SLC8A3: variants seen among roughly 807,000 people sequenced by gnomAD.
The protein encoded by SLC8A3 is sodium/calcium exchanger 3.
SLC8A3 carries 37 observed loss-of-function variants against 65.4 expected under a neutral mutation model. That is an observed-to-expected ratio of 0.57 (90% confidence interval 0.44 to 0.74). The LOEUF is 0.74. SLC8A3 is among the 30% of genes least tolerant of loss of function. The pLI is 0.00. For synonymous variants in SLC8A3, 461 were observed against 444.5 expected (o/e 1.04, Z -0.47); for missense variants, 1,112 against 1,172.1 (o/e 0.95, Z 0.75).
chr14:70,097,799 G>A (rs1036751997), intron 2 of SLC8A3, among the ~76,000 whole-genome samples: 1 of 151,964 alleles, frequency 6.6e-6, no homozygotes, highest in Non-Finnish European at 1.5e-5. Flanking sequence ...TAAAGTACAG[G>A]GGCAGGTGAG....
chr14:70,090,706 C>T (rs1347437222), intron 2 of SLC8A3, among the ~76,000 whole-genome samples: 5 of 152,008 alleles, frequency 3.3e-5, no homozygotes, highest in African/African-American at 1.2e-4. Context: ...TACAATATTT[C>T]CTTGATGAAT....
At position 70,097,949 on chromosome 14, in the gene SLC8A3, C is replaced by T. The variant is rs188337149; in HGVS notation, c.1785-37010G>A. ...CCTAGATCCCGTCTTTGAACATAAA[C>T]CTCCAATGTGTTAGTGTTGTCCTCT... is the stretch of plus-strand genomic sequence containing the variant. On this transcript the variant is annotated intron_variant, in intron 2 of 6. Coordinates refer to ENST00000356921, the MANE Select transcript of SLC8A3 (RefSeq NM_182932.3). Among the ~76,000 whole-genome samples the T allele has an allele frequency of 2.6e-5, 4 of 152,294 alleles. No individual in the cohort carries two copies. The East Asian group carries it at 5.8e-4, about 22-fold the overall frequency.
intron 2 of SLC8A3, among the ~76,000 whole-genome samples, chr14:70,074,144 G>A (rs1890265726): frequency 6.6e-6 from 1 of 152,218 alleles, no homozygotes; most frequent in African/African-American, 2.4e-5. Context: ...GCCCCCTGGT[G>A]GTGTGCAGCA....
intron 2 of SLC8A3, among the ~76,000 whole-genome samples, chr14:70,083,220 A>G (rs945964834): frequency 2.0e-5 from 3 of 152,228 alleles, no homozygotes; most frequent in African/African-American, 4.8e-5. Flanking sequence ...TGCCTCAAGC[A>G]TGAAGCCTTC....
At chr14:70,110,673 C>CTTTT (rs71102684) in intron 2 of SLC8A3, among the ~76,000 whole-genome samples, 61 of 91,838 alleles carry the variant, frequency 6.6e-4, no homozygotes, top group African/African-American at 8.5e-4. Context: ...ATACCTCTTT[C>CTTTT]TTTTTTTTTT....
chr14:70,130,117 A>G (rs1894722254), intron 2 of SLC8A3, among the ~76,000 whole-genome samples: 1 of 152,250 alleles, frequency 6.6e-6, no homozygotes, highest in Non-Finnish European at 1.5e-5. Context: ...TCTGTGTCAG[A>G]CAACCCAGAA....
intron 2 of SLC8A3, among the ~76,000 whole-genome samples, chr14:70,146,740 C>T (rs948158388): frequency 3.9e-5 from 6 of 152,114 alleles, no homozygotes; most frequent in Admixed American, 3.3e-4. Context: ...TTTAGTGCTA[C>T]GTTTTTCACA....
At chr14:70,053,657 A>T (rs976980511) in intron 3 of SLC8A3, among the ~76,000 whole-genome samples, 2 of 152,224 alleles carry the variant, frequency 1.3e-5, no homozygotes, top group Non-Finnish European at 2.9e-5. Flanking sequence ...ATCTAGCACT[A>T]TATCCATCTG....
At chr14:70,122,165 G>A (rs1224407653) in intron 2 of SLC8A3, among the ~76,000 whole-genome samples, 2 of 152,164 alleles carry the variant, frequency 1.3e-5, no homozygotes, top group African/African-American at 2.4e-5. Flanking sequence ...GACGAGGGGC[G>A]GTATGTGATT....
intron 3 of SLC8A3, 73 bp from the exon 4 acceptor site, chr14:70,052,187 G>T: frequency 6.7e-7 from 1 of 1,501,436 alleles, no homozygotes. Flanking sequence ...CAGAGTATTA[G>T]GCATGGGCAG....
At chr14:70,062,103 T>A (rs1471161008) in intron 2 of SLC8A3, among the ~76,000 whole-genome samples, 3 of 50,316 alleles carry the variant, frequency 6.0e-5, no homozygotes, top group African/African-American at 2.6e-4. Flanking sequence ...TTTCTTTTTC[T>A]TTTTGGCGGG....
rs553584884 is a variant in SLC8A3, at chr14:70,044,798, T to G, written c.*1149A>C. The G allele has an allele frequency of 6.6e-6, 1 of 152,336 alleles. No homozygotes were observed. The highest frequency in any genetic ancestry group is 1.9e-4 in the East Asian group (1 of 5,192). 9.4% of individuals were successfully genotyped at this position (152,336 alleles called of 1,614,324 possible). A position where few individuals can be genotyped will look rare whatever the true frequency, so the allele number is the denominator to read the frequency against. ...AGTTTTTACACCACTTCAAGAAATA[T>G]AGTCAGCCCTCTTTGTATAGAGCAT... is the stretch of plus-strand genomic sequence containing the variant. On this transcript the variant is annotated 3_prime_UTR_variant, in exon 7 of 7. Transcript: ENST00000356921.
Position 70,044,244 on chromosome 14 carries a change from AT to A in SLC8A3, c.*1702del, listed in dbSNP as rs774527406. 15 of 149,560 alleles carry A rather than the reference AT, an allele frequency of 1.0e-4. No individual in the cohort carries two copies. The highest frequency in any genetic ancestry group is 1.3e-4 in the Admixed American group (2 of 15,016). 9.3% of individuals were successfully genotyped at this position (149,560 alleles called of 1,614,324 possible). On this transcript the variant is annotated 3_prime_UTR_variant, in exon 7 of 7. Transcript: ENST00000356921. ...TGTAGAGAGATATAGTATAGCTTTT[AT>A]TTTTTTTTTGAACCAACCCAACATT...
chr14:70,050,885 A>T, intron 5 of SLC8A3, 123 bp downstream of exon 5: 1 of 620,178 alleles, frequency 1.6e-6, no homozygotes, highest in East Asian at 2.8e-5. Flanking sequence ...ACCTAGGACC[A>T]GAGCTGGGAA....
At chr14:70,132,606 GA>G (rs1894916037) in intron 2 of SLC8A3, among the ~76,000 whole-genome samples, 1 of 152,304 alleles carries the variant, frequency 6.6e-6, no homozygotes, top group East Asian at 1.9e-4. Context: ...GATGAAACGG[GA>G]AATCTTTCAT....
chr14:70,057,276 A>G (rs1023736426), intron 3 of SLC8A3, among the ~76,000 whole-genome samples: 1 of 150,532 alleles, frequency 6.6e-6, no homozygotes, highest in Non-Finnish European at 1.5e-5. Flanking sequence ...AGATAGATAG[A>G]TATAGATAGG....
intron 1 of SLC8A3, among the ~76,000 whole-genome samples, chr14:70,186,518 G>C (rs1286282849): frequency 6.6e-6 from 1 of 152,184 alleles, no homozygotes; most frequent in African/African-American, 2.4e-5. Context: ...GGAGGAAACT[G>C]CATGAATGGC....
At chr14:70,164,080 G>T (rs1191622828) in intron 2 of SLC8A3, among the ~76,000 whole-genome samples, 1 of 152,114 alleles carries the variant, frequency 6.6e-6, no homozygotes, top group Admixed American at 6.5e-5. Flanking sequence ...GAAGAGTCTT[G>T]TTTCCTGAGC....
chr14:70,100,289 A>C (rs1892476398), intron 2 of SLC8A3, among the ~76,000 whole-genome samples: 1 of 152,176 alleles, frequency 6.6e-6, no homozygotes, highest in South Asian at 2.1e-4. Context: ...TGGTGTTTCC[A>C]GCCTCGGCCC....
Sources: allele counts gnomAD v4.1 joint callset (sites outside exome capture counted in the v4.1 genomes callset), GRCh38; gene constraint gnomAD v4.1.1; transcripts MANE v1.5; gene names NCBI Gene and HGNC (gene_info 2026-07-23, HGNC 2026-07-21).